RP1: variants seen among roughly 807,000 people sequenced by gnomAD.
RP1 encodes the protein RP1 axonemal microtubule associated.
RP1 carries 16 observed loss-of-function variants against 14.8 expected under a neutral mutation model. That is an observed-to-expected ratio of 1.08 (90% CI 0.73 to 1.65). RP1 has a LOEUF of 1.65. Ranked by LOEUF, RP1 falls within the 40% of genes most tolerant of loss-of-function variation. The pLI is 0.00. For missense variants in RP1, 2,631 were observed against 2,535.0 expected (o/e 1.04, Z -0.81); for synonymous variants, 876 against 883.6 (o/e 0.99, Z 0.15).
At chr8:54,596,043 A>T (rs572650481) in intron 1 of RP1, among the ~76,000 whole-genome samples, 2 of 152,384 alleles carry the variant, frequency 1.3e-5, no homozygotes, top group African/African-American at 4.8e-5. Context: ...TGATAATGAT[A>T]CATTGTAATT....
intron 24 of RP1, among the ~76,000 whole-genome samples, chr8:54,824,446 G>C (rs34264300): frequency 0.31 from 47,762 of 151,850 alleles, 7,634 homozygotes; most frequent in South Asian, 0.37. Flanking sequence ...AGAAGAATCT[G>C]TCGGCCCATA....
chr8:54,763,438 G>A (rs1038414416), intron 22 of RP1, among the ~76,000 whole-genome samples: 1 of 152,138 alleles, frequency 6.6e-6, no homozygotes, highest in Non-Finnish European at 1.5e-5. Context: ...AATAGAAGGA[G>A]AATTTTTAAA....
chr8:54,567,179 C>T (rs540428106), intron 1 of RP1, among the ~76,000 whole-genome samples: 3 of 152,304 alleles, frequency 2.0e-5, no homozygotes, highest in Non-Finnish European at 4.4e-5. Flanking sequence ...AAAAACTCTT[C>T]AATATAGGCA....
At chr8:54,600,963 T>C (rs1405950351) in intron 1 of RP1, among the ~76,000 whole-genome samples, 2 of 152,188 alleles carry the variant, frequency 1.3e-5, no homozygotes, top group African/African-American at 2.4e-5. Context: ...TTCTTGTCTG[T>C]GTCTTTCAGT....
Position 54,606,936 on chromosome 8 carries a change from T to G in RP1, c.-12-14019T>G, listed in dbSNP as rs201360659. ...TTCTCTGTATTGGTTATTCTAGTTA[T>G]CCATTCGTCTAATTTTTTTTCAAGG... is the stretch of plus-strand genomic sequence containing the variant. On this transcript the variant is annotated intron_variant, in intron 1 of 22. Transcript: ENST00000636932. Among the ~76,000 whole-genome samples, 35 of 140,880 alleles carry G rather than the reference T, an allele frequency of 2.5e-4. No individual in the cohort carries two copies. The East Asian group carries it at 2.9e-3, about 12-fold the overall frequency. 92.4% of individuals were successfully genotyped at this position (140,880 alleles called of 152,430 possible).
At chr8:54,812,286 A>T (rs537000050) in intron 24 of RP1, among the ~76,000 whole-genome samples, 1 of 152,154 alleles carries the variant, frequency 6.6e-6, no homozygotes, top group African/African-American at 2.4e-5. Flanking sequence ...CATTACAGGC[A>T]TACGCCATCA....
chr8:54,647,019 T>G (rs1806565099), intron 3 of RP1, among the ~76,000 whole-genome samples: 1 of 152,254 alleles, frequency 6.6e-6, no homozygotes, highest in Admixed American at 6.5e-5. Flanking sequence ...AATTATGTTT[T>G]TATTTACTGA....
chr8:54,627,614 A>T lies in RP1; in HGVS notation c.3732A>T (p.Ala1244=), dbSNP rs1160117650. ...ATGGAGGTTGCTCTGCCAGTGAGGCATGTGCCCCTGAAGTCTGTGTTTTGG... is the reference window on the plus strand; with the variant it reads ...ATGGAGGTTGCTCTGCCAGTGAGGCTTGTGCCCCTGAAGTCTGTGTTTTGG... ...SLDGGCSASE[A]CAPEVCVLEV... is the part of the protein sequence containing the mutation. Residue 1244 remains alanine (A), a synonymous_variant, in exon 4 of 4, where the codon GCA becomes GCT. Transcript: ENST00000220676. 6.2e-7 allele frequency: 1 copy of T among 1,614,204 alleles called. No individual in the cohort carries two copies. Among genetic ancestry groups the T allele is most frequent in the Non-Finnish European group, 8.5e-7 (1 of 1,179,982 alleles).
intron 25 of RP1, among the ~76,000 whole-genome samples, chr8:54,845,522 C>A (rs1222911931): frequency 1.3e-5 from 2 of 152,188 alleles, no homozygotes; most frequent in Non-Finnish European, 2.9e-5. Context: ...CAGCAGTGCC[C>A]TCAGAAGTGG....
In RP1 at chr8:54,759,031, T is replaced by G. The variant is rs990726974; in HGVS notation, c.3203T>G (p.Val1068Gly). ...TACTGGTACTGTGAACAAGTCATAG[T>G]CAGAGAGCCCGGCACCACATCCGAG... Residue 1068 changes from valine (V) to glycine (G), a missense_variant, in exon 22 of 23, where the codon GTC becomes GGC. Val to Gly is a moderately radical substitution (Grantham distance 109). Coordinates refer to the RP1 transcript ENST00000636932. 4.5e-5 allele frequency: 69 copies of G among 1,535,648 alleles called. No homozygotes were observed. The Admixed American group carries it at 4.9e-4, about 11-fold the overall frequency.
chr8:54,859,240 C>A (rs768096710), intron 27 of RP1, among the ~76,000 whole-genome samples: 1 of 151,206 alleles, frequency 6.6e-6, no homozygotes, highest in Non-Finnish European at 1.5e-5. Context: ...AGGGGTGTCA[C>A]TGTAAGGTGG....
At chr8:54,579,313 G>C (rs949348027) in intron 1 of RP1, among the ~76,000 whole-genome samples, 1 of 152,152 alleles carries the variant, frequency 6.6e-6, no homozygotes, top group African/African-American at 2.4e-5. Context: ...AGCAAACCGA[G>C]GATGAGACTA....
intron 1 of RP1, among the ~76,000 whole-genome samples, chr8:54,570,245 A>G (rs148831243): frequency 2.5e-3 from 380 of 152,220 alleles, no homozygotes; most frequent in Non-Finnish European, 3.5e-3. Flanking sequence ...CAGCATCACA[A>G]TATTCATCCT....
At chr8:54,674,534 A>C (rs1310826745) in intron 8 of RP1, among the ~76,000 whole-genome samples, 1 of 151,936 alleles carries the variant, frequency 6.6e-6, no homozygotes, top group East Asian at 1.9e-4. Context: ...AAGGAAAAAA[A>C]AACCCAAATG....
rs867604044 is a variant in RP1 at position 54,694,605 on chromosome 8, G to A, written c.1718-4862G>A. Reference sequence around the variant, plus strand: ...CTTCTAGATTTTCTAGTTTATTTGCGTAGAGGTGTTTGTAGTATTCTCTGA... The same window carrying A: ...CTTCTAGATTTTCTAGTTTATTTGCATAGAGGTGTTTGTAGTATTCTCTGA... On this transcript the variant is annotated intron_variant, in intron 12 of 22. Transcript: ENST00000636932. Among the ~76,000 whole-genome samples the A allele has an allele frequency of 4.8e-4, 73 of 152,190 alleles. 1 individual carries two copies. Among genetic ancestry groups the A allele is most frequent in the South Asian group, 2.5e-3 (12 of 4,818 alleles).
chr8:54,668,302 G>C (rs1374852283), intron 7 of RP1, among the ~76,000 whole-genome samples: 4 of 151,984 alleles, frequency 2.6e-5, no homozygotes, highest in Admixed American at 2.0e-4. Context: ...AAAACACCTA[G>C]GAATACAACT....
At position 54,629,770 on chromosome 8, in the gene RP1, A is replaced by C. The variant is rs753068102; in HGVS notation, c.5888A>C (p.Asp1963Ala). Residue 1963 changes from aspartate (D) to alanine (A), a missense_variant, in exon 4 of 4, where the codon GAC (aspartate) becomes GCC (alanine). By Grantham distance (126) the Asp-to-Ala change is moderately radical. Transcript: ENST00000220676. ...MKIHPYLLQT[D>A]KNVFREENNK... ...ATACACCCATATTTACTTCAGACAG[A>C]CAAAAATGTGTTCAGGGAAGAGAAC... 6.2e-7 allele frequency: 1 copy of C among 1,609,292 alleles called. No homozygotes were observed. Among genetic ancestry groups the C allele is most frequent in the Non-Finnish European group, 8.5e-7 (1 of 1,177,710 alleles).
At chr8:54,635,549 C>CAT (rs986611924), downstream of RP1, among the ~76,000 whole-genome samples, 20 of 151,980 alleles carry the variant, frequency 1.3e-4, 1 homozygote, top group Non-Finnish European at 2.9e-5. Context: ...TATGAATATT[C>CAT]ATATATATAT....
intron 23 of RP1, among the ~76,000 whole-genome samples, chr8:54,775,350 T>C (rs1357137692): frequency 6.6e-6 from 1 of 152,188 alleles, no homozygotes; most frequent in African/African-American, 2.4e-5. Flanking sequence ...GCAGAAATGA[T>C]ACTATGTGAC....
Sources: allele counts gnomAD v4.1 joint callset (sites outside exome capture counted in the v4.1 genomes callset), GRCh38; gene constraint gnomAD v4.1.1; transcripts MANE v1.5; gene names NCBI Gene and HGNC (gene_info 2026-07-23, HGNC 2026-07-21).